ACMSD: variants seen among roughly 807,000 people sequenced by gnomAD.
The protein encoded by ACMSD is aminocarboxymuconate semialdehyde decarboxylase, also known as 2-amino-3-carboxymuconate-6-semialdehyde decarboxylase.
A neutral mutation model predicts 45.9 loss-of-function variants in ACMSD; 37 were observed. That is an observed-to-expected ratio of 0.81 (90% CI 0.62 to 1.06). The LOEUF is 1.06. Among genes scored for constraint, ACMSD ranks in the 50% least tolerant of loss-of-function variants. The pLI is 0.00. For synonymous variants in ACMSD, 138 were observed against 148.8 expected (o/e 0.93, Z 0.53); for missense variants, 434 against 420.9 (o/e 1.03, Z -0.27).
chr2:134,901,390 A>G (rs1363707233), intron 9 of ACMSD, among the ~76,000 whole-genome samples: 5 of 152,184 alleles, frequency 3.3e-5, no homozygotes, highest in Admixed American at 2.0e-4. Flanking sequence ...TGTGAAAACA[A>G]CAACACATAT....
At chr2:134,884,617 A>G (rs1689221124) in intron 8 of ACMSD, among the ~76,000 whole-genome samples, 1 of 152,184 alleles carries the variant, frequency 6.6e-6, no homozygotes, top group African/African-American at 2.4e-5. Flanking sequence ...ACAATTCAGA[A>G]TGAGATCAGC....
intron 9 of ACMSD, among the ~76,000 whole-genome samples, chr2:134,899,065 C>T (rs879792735): frequency 1.3e-5 from 2 of 152,048 alleles, no homozygotes; most frequent in African/African-American, 4.8e-5. Flanking sequence ...TTCCTAAGAC[C>T]TTCACTGCCC....
intron 8 of ACMSD, among the ~76,000 whole-genome samples, chr2:134,887,514 C>T (rs1193051825): frequency 6.6e-6 from 1 of 152,214 alleles, no homozygotes; most frequent in African/African-American, 2.4e-5. Flanking sequence ...AGTGATTCTC[C>T]TGCCTCAGCC....
At chr2:134,855,428 GT>G (rs1687536430) in intron 2 of ACMSD, among the ~76,000 whole-genome samples, 1 of 152,152 alleles carries the variant, frequency 6.6e-6, no homozygotes, top group Admixed American at 6.5e-5. Context: ...AACTCTTCCT[GT>G]TTTTTTGCAT....
intron 2 of ACMSD, among the ~76,000 whole-genome samples, chr2:134,845,854 T>G (rs555923069): frequency 6.6e-6 from 1 of 152,276 alleles, no homozygotes; most frequent in Admixed American, 6.5e-5. Context: ...GGCATGGGTC[T>G]GACTTCATTT....
chr2:134,840,251 T>A (rs1474404341), intron 1 of ACMSD, among the ~76,000 whole-genome samples: 1 of 137,154 alleles, frequency 7.3e-6, no homozygotes, highest in Non-Finnish European at 1.5e-5. Flanking sequence ...AATATCCACA[T>A]GAAATGCTTT....
intron 2 of ACMSD, among the ~76,000 whole-genome samples, chr2:134,849,893 C>A (rs1687249951): frequency 6.6e-6 from 1 of 151,988 alleles, no homozygotes; most frequent in African/African-American, 2.4e-5. Flanking sequence ...AGGGTAGACA[C>A]AGGCCCGTTT....
intron 6 of ACMSD, among the ~76,000 whole-genome samples, chr2:134,870,075 G>C (rs1008291354): frequency 6.6e-6 from 1 of 152,202 alleles, no homozygotes; most frequent in African/African-American, 2.4e-5. Context: ...GGCAGAATGA[G>C]CATCCTGTGA....
intron 8 of ACMSD, chr2:134,873,300 A>G (rs1440851703): frequency 6.6e-6 from 1 of 152,338 alleles, no homozygotes; most frequent in Non-Finnish European, 1.5e-5. Context: ...CTCCTCGCCA[A>G]TCTCTCTGTT....
intron 9 of ACMSD, 60 bp from the exon 10 acceptor site, chr2:134,901,738 T>C (rs1177656367): frequency 1.6e-6 from 2 of 1,272,782 alleles, no homozygotes; most frequent in Admixed American, 4.2e-5. Context: ...ATCAATGTAG[T>C]ACTTAAAAGT....
chr2:134,886,243 A>ATTTTTTTTTTTTTTTTTTTTTTTTTTTT (rs200101134), intron 8 of ACMSD, among the ~76,000 whole-genome samples: 1 of 123,498 alleles, frequency 8.1e-6, no homozygotes, highest in African/African-American at 3.5e-5. Flanking sequence ...CATTATTATT[A>ATTTTTTTTTTTTTTTTTTTTTTTTTTTT]TTATTTTTTT....
At chr2:134,867,542 A>G in intron 5 of ACMSD, 37 bp from the exon 6 acceptor site, 3 of 1,548,328 alleles carry the variant, frequency 1.9e-6, no homozygotes, top group Non-Finnish European at 2.7e-6. Flanking sequence ...CACTCATCAA[A>G]GTAACCCTCT....
chr2:134,870,925 G>T, intron 6 of ACMSD, 40 bp from the exon 7 acceptor site: 1 of 1,546,668 alleles, frequency 6.5e-7, no homozygotes, highest in Admixed American at 1.7e-5. Context: ...TTCTTGGTGG[G>T]GTGATCATCC....
intron 8 of ACMSD, among the ~76,000 whole-genome samples, chr2:134,893,607 T>G (rs1035947230): frequency 1.3e-5 from 2 of 152,188 alleles, no homozygotes; most frequent in Non-Finnish European, 2.9e-5. Flanking sequence ...CCCACCATGT[T>G]GATGATTCCT....
chr2:134,873,500 A>G (rs550723601), intron 8 of ACMSD: 1 of 152,374 alleles, frequency 6.6e-6, no homozygotes, highest in South Asian at 2.1e-4. Flanking sequence ...GTATATAGAC[A>G]TATTTAAAAA....
chr2:134,871,727 T>C (rs894967566), intron 7 of ACMSD, among the ~76,000 whole-genome samples: 18 of 142,382 alleles, frequency 1.3e-4, no homozygotes, highest in African/African-American at 4.8e-4. Flanking sequence ...AAACTACACA[T>C]GTTACTCGCT....
At chr2:134,882,928 T>C (rs1689117818) in intron 8 of ACMSD, among the ~76,000 whole-genome samples, 2 of 152,230 alleles carry the variant, frequency 1.3e-5, no homozygotes, top group African/African-American at 4.8e-5. Flanking sequence ...ACTATTATTA[T>C]CAGCTCAGTA....
chr2:134,853,322 G>A (rs1033404624), intron 2 of ACMSD, among the ~76,000 whole-genome samples: 1 of 152,048 alleles, frequency 6.6e-6, no homozygotes, highest in African/African-American at 2.4e-5. Context: ...AGGTTCCCTA[G>A]GAATCAGACT....
At chr2:134,864,008 C>T (rs944414935) in intron 5 of ACMSD, among the ~76,000 whole-genome samples, 2 of 152,072 alleles carry the variant, frequency 1.3e-5, no homozygotes, top group African/African-American at 4.8e-5. Flanking sequence ...GCAGCTCACA[C>T]CTGTAATCCC....
Sources: allele counts gnomAD v4.1 joint callset (sites outside exome capture counted in the v4.1 genomes callset), GRCh38; gene constraint gnomAD v4.1.1; transcripts MANE v1.5; gene names NCBI Gene and HGNC (gene_info 2026-07-23, HGNC 2026-07-21).